The following A2ML1 variants were observed in gnomAD, a reference collection of about 807,000 sequenced individuals.
The protein encoded by A2ML1 is alpha-2-macroglobulin-like protein 1.
A neutral mutation model predicts 181.9 loss-of-function variants in A2ML1; 161 were observed. That is an observed-to-expected ratio of 0.89 (90% CI 0.78 to 1.01). The LOEUF is 1.01. Ranked by LOEUF, A2ML1 falls within the 50% of genes least tolerant of loss-of-function variation. The pLI is 0.00. For synonymous variants in A2ML1, 663 were observed against 666.8 expected (o/e 0.99, Z 0.09); for missense variants, 1,670 against 1,768.1 (o/e 0.94, Z 1.00).
rs1943477048 is a variant in A2ML1 at position 8,841,456 on chromosome 12, A to G, written c.1168A>G (p.Thr390Ala). Residue 390 changes from threonine to alanine, a missense_variant, in exon 11 of 36, where the codon ACC (threonine) becomes GCC (alanine). Physicochemically the swap from Thr to Ala is moderately conservative, Grantham distance 58 (BLOSUM62 0). Transcript: ENST00000299698. Reference sequence around the variant, plus strand: ...TGGCACAAATGGAACCTTCAACCAGACCCTGGTTACTGATAACAATGGCCT... The same window carrying G: ...TGGCACAAATGGAACCTTCAACCAGGCCCTGGTTACTGATAACAATGGCCT... ...IYGTNGTFNQ[T>A]LVTDNNGLAP... is the part of the protein sequence containing the mutation. 12 of 1,613,702 alleles carry G rather than the reference A, an allele frequency of 7.4e-6. No homozygotes were observed. Among genetic ancestry groups the G allele is most frequent in the Non-Finnish European group, 1.0e-5 (12 of 1,179,818 alleles).
At chr12:8,879,578 C>T (rs1329211802), downstream of A2ML1, among the ~76,000 whole-genome samples, 1 of 152,104 alleles carries the variant, frequency 6.6e-6, no homozygotes, top group East Asian at 1.9e-4. Context: ...GTCTGCAGCA[C>T]TTACCAGAGC....
rs1944808454 is a variant in A2ML1 at position 8,876,648 on chromosome 12, G to A, written c.*592G>A. 6.6e-6 allele frequency: 1 copy of A among 152,072 alleles called. No individual in the cohort carries two copies. The highest frequency in any genetic ancestry group is 2.4e-5 in the African/African-American group (1 of 41,386). 9.4% of individuals were successfully genotyped at this position (152,072 alleles called of 1,614,324 possible). ...AGATTGTGCCACTGCACTCCAGCCT[G>A]GGCAATGAGGCAAGACCCTGTCTCA... On this transcript the variant is annotated 3_prime_UTR_variant, in exon 36 of 36. Transcript: ENST00000299698.
At position 8,839,158 on chromosome 12, in the gene A2ML1, T is replaced by C. The variant is rs2136786935; in HGVS notation, c.1016T>C (p.Met339Thr). ...CAGAATATCTACATTTCTCCACAAA[T>C]GGGATCAATGACCTTTGAAGACACC... is the stretch of plus-strand genomic sequence containing the variant. ...ATQNIYISPQ[M>T]GSMTFEDTSN... The change falls in exon 10 of 36, where the codon ATG becomes ACG. Residue 339 changes from methionine (M) to threonine (T), a missense_variant. Physicochemically the swap from Met to Thr is moderately conservative, Grantham distance 81. Transcript: ENST00000299698. The C allele has an allele frequency of 1.2e-6, 2 of 1,613,620 alleles. No individual in the cohort carries two copies. The highest frequency in any genetic ancestry group is 1.7e-5 in the Admixed American group (1 of 59,996).
Position 8,845,490 on chromosome 12 carries a change from T to C in A2ML1, c.1525T>C (p.Ser509Pro), listed in dbSNP as rs1218566920. 1.9e-6 allele frequency: 3 copies of C among 1,614,028 alleles called. No homozygotes were observed. The highest frequency in any genetic ancestry group is 2.5e-6 in the Non-Finnish European group (3 of 1,180,022). The change falls in exon 13 of 36, where the codon TCT becomes CCT. Residue 509 changes from serine (S) to proline (P), a missense_variant. Physicochemically the swap from Ser to Pro is moderately conservative, Grantham distance 74. Coordinates refer to ENST00000299698, the MANE Select transcript of A2ML1 (RefSeq NM_144670.6). Reference protein sequence around the residue: ...LVMEGQKHLNSKKKGLKASFS... With the variant: ...LVMEGQKHLNPKKKGLKASFS... ...GATGGAGGGGCAGAAACACCTGAAC[T>C]CTAAGAAGAAAGGTGAGTGTACATG...
chr12:8,848,878 G>GT lies in A2ML1; in HGVS notation c.1994dup (p.Ser666LeufsTer2). 1 of 1,613,942 alleles carries GT rather than the reference G, an allele frequency of 6.2e-7. No homozygotes were observed. The highest frequency in any genetic ancestry group is 1.1e-5 in the South Asian group (1 of 91,044). ...AGCGTTCCATTATCTGGAGGCCCTC[G>GT]TTCTCTGAAGGCACGGACCTTTTCA... On this transcript the variant is annotated frameshift_variant, in exon 16 of 36. Coordinates refer to ENST00000299698, the MANE Select transcript of A2ML1 (RefSeq NM_144670.6). LOFTEE classifies it high-confidence loss of function.
At chr12:8,834,408 A>C (rs181550817) in intron 4 of A2ML1, among the ~76,000 whole-genome samples, 11 of 152,156 alleles carry the variant, frequency 7.2e-5, no homozygotes, top group Non-Finnish European at 1.5e-4. Context: ...AGTTCTTCAA[A>C]TCTTTTGGAG....
rs1942803408 is a variant in A2ML1 at position 8,823,229 on chromosome 12, A to G, written c.110A>G (p.Gln37Arg). 3 of 1,614,086 alleles carry G rather than the reference A, an allele frequency of 1.9e-6. No individual in the cohort carries two copies. In the East Asian group the frequency reaches 6.7e-5, roughly 36 times the overall value. ...LPARLNFPSV[Q>R]KVCLDLSPGY... ...GCCCGGCTAAATTTCCCCTCCGTTC[A>G]GAAGGTTTGTTTGGACCTGAGCCCT... is the stretch of plus-strand genomic sequence containing the variant. The change falls in exon 2 of 36, where the codon CAG becomes CGG. Residue 37 changes from glutamine (Q) to arginine (R), a missense_variant. Physicochemically the swap from Gln to Arg is conservative, Grantham distance 43 (BLOSUM62 1). Coordinates refer to ENST00000299698, the MANE Select transcript of A2ML1 (RefSeq NM_144670.6).
chr12:8,861,925 A>G (rs1269784135), intron 28 of A2ML1, among the ~76,000 whole-genome samples: 1 of 151,352 alleles, frequency 6.6e-6, no homozygotes, highest in African/African-American at 2.4e-5. Flanking sequence ...ATGCACAGCT[A>G]ATTTTTGTAT....
At chr12:8,858,534 C>T (rs1300411675) in intron 26 of A2ML1, among the ~76,000 whole-genome samples, 2 of 152,066 alleles carry the variant, frequency 1.3e-5, no homozygotes, top group African/African-American at 2.4e-5. Context: ...TGCAGTGAGC[C>T]GTGATTGCAC....
rs772728105 is a variant in A2ML1 at position 8,836,252 on chromosome 12, C to A, written c.644-3C>A. On this transcript the variant is annotated splice_region_variant and splice_polypyrimidine_tract_variant and intron_variant, in intron 6 of 35. Transcript: ENST00000299698. ...TCTCCATTTCTCCTTTTACTCTCTTCAGTGCTGCCGAAGTTTAAGGTGGAA... is the reference window on the plus strand; with the variant it reads ...TCTCCATTTCTCCTTTTACTCTCTTAAGTGCTGCCGAAGTTTAAGGTGGAA... 1 of 1,613,714 alleles carries A rather than the reference C, an allele frequency of 6.2e-7. No individual in the cohort carries two copies. Among genetic ancestry groups the A allele is most frequent in the Non-Finnish European group, 8.5e-7 (1 of 1,179,656 alleles).
rs771950125 is a variant in A2ML1, at chr12:8,822,721, C to T, written c.62+8C>T. ...CATTGCAGAAGAACTTCCGTGAGTG[C>T]TTGGTGTCAGAATTGGTTTATTAGG... On this transcript the variant is annotated splice_region_variant and intron_variant, in intron 1 of 35. Coordinates refer to ENST00000299698, the MANE Select transcript of A2ML1 (RefSeq NM_144670.6). The T allele has an allele frequency of 6.2e-7, 1 of 1,613,936 alleles. No homozygotes were observed. The highest frequency in any genetic ancestry group is 8.5e-7 in the Non-Finnish European group (1 of 1,179,838).
Position 8,849,910 on chromosome 12 carries a change from G to A in A2ML1, c.2119+151G>A, listed in dbSNP as rs891511186. The A allele has an allele frequency of 9.2e-6, 7 of 762,616 alleles. No individual in the cohort carries two copies. The South Asian group carries it at 1.1e-4, about 12-fold the overall frequency. The allele number at this position is 762,616 out of a possible 1,614,324, so 47.2% of individuals were successfully genotyped here. Reference sequence around the variant, plus strand: ...ACAGATGCAGGACAGTTTCCCAAGTGTTCTCTCTCTGGGGAGAGCTTTTGA... The same window carrying A: ...ACAGATGCAGGACAGTTTCCCAAGTATTCTCTCTCTGGGGAGAGCTTTTGA... On this transcript the variant is annotated intron_variant, in intron 17 of 35. Coordinates refer to ENST00000299698, the MANE Select transcript of A2ML1 (RefSeq NM_144670.6).
At chr12:8,832,005 C>T (rs751492741) in intron 4 of A2ML1, among the ~76,000 whole-genome samples, 1 of 152,330 alleles carries the variant, frequency 6.6e-6, no homozygotes, top group Admixed American at 6.5e-5. Flanking sequence ...CCGCCTCGGC[C>T]TCCCAAAGTG....
intron 3 of A2ML1, among the ~76,000 whole-genome samples, chr12:8,825,275 G>GA (rs1469217570): frequency 2.6e-5 from 4 of 151,904 alleles, no homozygotes; most frequent in African/African-American, 4.8e-5. Context: ...TTGTCTTTTG[G>GA]AAAAAAGCCA....
rs746496110 is a variant in A2ML1 at position 8,837,567 on chromosome 12, G to A, written c.855+1G>A. On this transcript the variant is annotated splice_donor_variant, in intron 8 of 35. Transcript: ENST00000299698. LOFTEE classifies it high-confidence loss of function. ...CAAATGCAGGAACCTCTCTGGACAG[G>A]TGAGTAAATGACAGGTTAAAAAGGA... The A allele has an allele frequency of 1.7e-5, 28 of 1,609,710 alleles. No individual in the cohort carries two copies. The East Asian group carries it at 4.9e-4, about 28-fold the overall frequency.
chr12:8,823,645 A>C (rs773117528), intron 2 of A2ML1, 75 bp from the exon 3 acceptor site: 3 of 1,492,102 alleles, frequency 2.0e-6, no homozygotes, highest in Non-Finnish European at 2.7e-6. Context: ...CCTTTAACTC[A>C]CTGTTGGGTT....
rs1214887749 is a variant in A2ML1, at chr12:8,857,853, T to C, written c.3108-93T>C. On this transcript the variant is annotated intron_variant, in intron 25 of 35. Transcript: ENST00000299698. ...ATGGCATATGTTCCCTCAGCTCCCC[T>C]TCTGGAAGTATACACCCAAATAAAT... 2.0e-6 allele frequency: 3 copies of C among 1,526,184 alleles called. No homozygotes were observed. The African/African-American group carries it at 4.1e-5, about 21-fold the overall frequency. 94.5% of individuals were successfully genotyped at this position (1,526,184 alleles called of 1,614,324 possible).
chr12:8,831,146 G>A (rs1204717047), intron 4 of A2ML1, among the ~76,000 whole-genome samples: 1 of 151,882 alleles, frequency 6.6e-6, no homozygotes, highest in South Asian at 2.1e-4. Flanking sequence ...AGTTGTGGGG[G>A]GCGGGGGTCT....
chr12:8,859,243 G>A (rs1403330494), intron 26 of A2ML1, among the ~76,000 whole-genome samples: 1 of 152,010 alleles, frequency 6.6e-6, no homozygotes, highest in Non-Finnish European at 1.5e-5. Context: ...CTTTTCTAGA[G>A]AGATCACTTA....
Sources: gnomAD v4.1 joint callset for allele counts (sites outside exome capture counted in the v4.1 genomes callset) on GRCh38, gnomAD v4.1.1 for gene constraint, MANE v1.5 for transcripts, NCBI Gene and HGNC (gene_info 2026-07-23, HGNC 2026-07-21) for gene names.